Variants in PRKG1 observed in about 807,000 individuals in gnomAD.
PRKG1 encodes cGMP-dependent protein kinase 1.
In PRKG1, 35 loss-of-function variants were observed where a neutral mutation model predicts 88.1. The observed-to-expected ratio is 0.40, with a 90% confidence interval of 0.30 to 0.53. The LOEUF (loss-of-function observed/expected upper bound fraction) is 0.53, where lower values mean the gene tolerates loss of function less well. Among genes scored for constraint, PRKG1 ranks in the 20% least tolerant of loss-of-function variants. The probability of loss-of-function intolerance (pLI) is 0.59; values close to 1 mark genes in which losing one functional copy is unlikely to be tolerated. For synonymous variants in PRKG1, 303 were observed against 292.5 expected (o/e 1.04, Z -0.37); for missense variants, 540 against 839.8 (o/e 0.64, Z 4.41).
rs548597940 is a variant in PRKG1, at chr10:51,018,938, G to A, written c.266+27294G>A. ...GGGAAACAAGAAAATTGTTACTTAG[G>A]AAATACATTTTATAGGACAAGACAC... On this transcript the variant is annotated intron_variant, in intron 1 of 17. Coordinates refer to the PRKG1 transcript ENST00000401604. Among the ~76,000 whole-genome samples the A allele has an allele frequency of 5.9e-5, 9 of 152,278 alleles. No individual in the cohort carries two copies. The East Asian group carries it at 1.5e-3, about 26-fold the overall frequency.
intron 1 of PRKG1, among the ~76,000 whole-genome samples, chr10:51,114,952 T>G (rs1044612570): frequency 1.3e-5 from 2 of 152,200 alleles, no homozygotes; most frequent in African/African-American, 4.8e-5. Flanking sequence ...TGTTTTGGCT[T>G]ATCCAATGAG....
rs577580345 is a variant in PRKG1, at chr10:52,104,498, GA to G, written c.936-29331del. ...TTTGCTGAGGTCTTAAATTTGTTCT[GA>G]AAAAAAAAAATTGTTATCACTGTGG... is the stretch of plus-strand genomic sequence containing the variant. On this transcript the variant is annotated intron_variant, in intron 7 of 17. Coordinates refer to ENST00000373980, the MANE Select transcript of PRKG1 (RefSeq NM_006258.4). Among the ~76,000 whole-genome samples the G allele has an allele frequency of 7.7e-4, 112 of 146,016 alleles. 1 individual carries two copies. The highest frequency in any genetic ancestry group is 1.5e-3 in the Admixed American group (22 of 14,640).
chr10:52,133,891 T>C lies in PRKG1; in HGVS notation c.987T>C (p.Leu329=). The change falls in exon 8 of 18, where the codon CTT becomes CTC. Residue 329 remains leucine (L), a synonymous_variant. Coordinates refer to ENST00000373980, the MANE Select transcript of PRKG1 (RefSeq NM_006258.4). The stretch of plus-strand genomic sequence containing the variant: ...TTGCTGCAGAAGCTGTAACCTGCCT[T>C]GTGATTGACAGAGAGTAAGTACATT... ...NVIAAEAVTC[L]VIDRDSFKHL... 6.2e-7 allele frequency: 1 copy of C among 1,612,842 alleles called. No individual in the cohort carries two copies. The highest frequency in any genetic ancestry group is 8.5e-7 in the Non-Finnish European group (1 of 1,179,094).
intron 3 of PRKG1, among the ~76,000 whole-genome samples, chr10:51,584,383 A>G (rs1371428520): frequency 6.6e-6 from 1 of 152,122 alleles, no homozygotes; most frequent in Non-Finnish European, 1.5e-5. Context: ...GGAAGAAAAG[A>G]GCAACTTACA....
chr10:51,696,900 T>A (rs1459124663), intron 3 of PRKG1: 3 of 152,090 alleles, frequency 2.0e-5, no homozygotes, highest in Non-Finnish European at 1.5e-5. Context: ...GATTTAGGGC[T>A]TAAAGACTAT....
chr10:51,092,543 G>A (rs1844423543), intron 1 of PRKG1, among the ~76,000 whole-genome samples: 1 of 152,168 alleles, frequency 6.6e-6, no homozygotes, highest in African/African-American at 2.4e-5. Context: ...CTGGCTGGCT[G>A]TGTTCCCCAG....
rs568912346 is a variant in PRKG1, at chr10:52,242,826, G to T, written c.1077-8744G>T. Among the ~76,000 whole-genome samples, 17 of 152,052 alleles carry T rather than the reference G, an allele frequency of 1.1e-4. No homozygotes were observed. In the South Asian group the frequency reaches 3.5e-3, roughly 32 times the overall value. ...CAGGAGACTCACTTGAACCCAGGAG[G>T]TAGAGGTTACAGTGAGTCCAGATCA... On this transcript the variant is annotated intron_variant, in intron 9 of 17. Transcript: ENST00000373980.
At chr10:51,874,861 C>T (rs1057152017) in intron 4 of PRKG1, among the ~76,000 whole-genome samples, 6 of 152,088 alleles carry the variant, frequency 3.9e-5, no homozygotes, top group Non-Finnish European at 1.5e-5. Flanking sequence ...ATTTACTTCA[C>T]ATTCCTATTG....
At chr10:51,611,233 A>G (rs184789043) in intron 3 of PRKG1, among the ~76,000 whole-genome samples, 2 of 152,250 alleles carry the variant, frequency 1.3e-5, no homozygotes, top group East Asian at 3.9e-4. Flanking sequence ...ACTAATTTAC[A>G]TTCCCACCAA....
intron 3 of PRKG1, among the ~76,000 whole-genome samples, chr10:51,720,293 A>C (rs1010258132): frequency 7.3e-6 from 1 of 137,260 alleles, no homozygotes; most frequent in Non-Finnish European, 1.6e-5. Context: ...ACGTTGCTCC[A>C]CATGCAGACA....
chr10:52,253,932 C>G (rs1282706401), intron 10 of PRKG1, among the ~76,000 whole-genome samples: 1 of 148,516 alleles, frequency 6.7e-6, no homozygotes, highest in Non-Finnish European at 1.5e-5. Context: ...ACACTGTAGA[C>G]AATCAGAATG....
chr10:51,694,125 TAGCTAATATAAAGC>T (rs1564609542), intron 3 of PRKG1, among the ~76,000 whole-genome samples: 1 of 152,148 alleles, frequency 6.6e-6, no homozygotes. Context: ...GTCTAGAGAT[TAGCTAATATAAAGC>T]AGTGAGAGAC....
intron 3 of PRKG1, among the ~76,000 whole-genome samples, chr10:51,671,183 A>G (rs930229971): frequency 8.5e-5 from 13 of 152,232 alleles, no homozygotes; most frequent in Non-Finnish European, 1.8e-4. Context: ...CAGGAACAAA[A>G]TTCTAAGTCA....
intron 1 of PRKG1, among the ~76,000 whole-genome samples, chr10:51,151,189 C>T (rs987640914): frequency 3.3e-5 from 5 of 150,520 alleles, no homozygotes; most frequent in African/African-American, 1.2e-4. Flanking sequence ...TGCAATTTGA[C>T]CAAGATTAAT....
chr10:52,204,000 G>A lies in PRKG1; in HGVS notation c.1076+42037G>A, dbSNP rs556513433. On this transcript the variant is annotated intron_variant, in intron 9 of 17. Coordinates refer to ENST00000373980, the MANE Select transcript of PRKG1 (RefSeq NM_006258.4). ...TGTCGCTTGGTGCCTCTTCATTGTGGCATTTAGCCTGTTTACATTCAAGGT... is the reference window on the plus strand; with the variant it reads ...TGTCGCTTGGTGCCTCTTCATTGTGACATTTAGCCTGTTTACATTCAAGGT... Among the ~76,000 whole-genome samples, 12 of 152,132 alleles carry A rather than the reference G, an allele frequency of 7.9e-5. No individual in the cohort carries two copies. The South Asian group carries it at 2.5e-3, about 32-fold the overall frequency.
At chr10:51,376,606 T>G (rs1842821498) in intron 2 of PRKG1, among the ~76,000 whole-genome samples, 1 of 152,206 alleles carries the variant, frequency 6.6e-6, no homozygotes, top group South Asian at 2.1e-4. Flanking sequence ...TAACATTTTA[T>G]GAAGCCCATT....
chr10:51,183,132 T>C (rs58429275), intron 2 of PRKG1, among the ~76,000 whole-genome samples: 1 of 152,186 alleles, frequency 6.6e-6, no homozygotes, highest in Non-Finnish European at 1.5e-5. Flanking sequence ...GGTAGAAATA[T>C]TCAAGTTATT....
At chr10:51,777,623 A>G (rs1220837604) in intron 3 of PRKG1, among the ~76,000 whole-genome samples, 1 of 152,106 alleles carries the variant, frequency 6.6e-6, no homozygotes, top group African/African-American at 2.4e-5. Context: ...ACACATCATT[A>G]TTGCCAAGAG....
At chr10:51,256,582 C>T (rs189091845) in intron 2 of PRKG1, among the ~76,000 whole-genome samples, 20 of 152,122 alleles carry the variant, frequency 1.3e-4, no homozygotes, top group African/African-American at 4.8e-4. Flanking sequence ...TGAAGAGGGC[C>T]ATGATGTTTG....
Sources: gnomAD v4.1 joint callset for allele counts (sites outside exome capture counted in the v4.1 genomes callset) on GRCh38, gnomAD v4.1.1 for gene constraint, MANE v1.5 for transcripts, NCBI Gene and HGNC (gene_info 2026-07-23, HGNC 2026-07-21) for gene names.